The following C1orf185 variants were observed in gnomAD, a reference collection of about 807,000 sequenced individuals.
C1orf185 encodes uncharacterized protein C1orf185.
C1orf185 carries 13 observed loss-of-function variants against 16.1 expected under a neutral mutation model. The ratio of observed to expected loss-of-function variants is 0.81; its 90% CI spans 0.53 to 1.28. The LOEUF is 1.28. Among genes scored for constraint, C1orf185 ranks in the 50% most tolerant of loss-of-function variants. The pLI is 0.00. For missense variants in C1orf185, 220 were observed against 225.2 expected (o/e 0.98, Z 0.15); for synonymous variants, 80 against 76.9 (o/e 1.04, Z -0.21).
intron 3 of C1orf185, among the ~76,000 whole-genome samples, chr1:51,131,616 A>G (rs1646285804): frequency 6.6e-6 from 1 of 152,186 alleles, no homozygotes; most frequent in Non-Finnish European, 1.5e-5. Context: ...TCTAGCAAAA[A>G]GAAAGAGAGA....
intron 1 of C1orf185, among the ~76,000 whole-genome samples, chr1:51,106,375 CTTT>C (rs899412395): frequency 6.1e-5 from 9 of 148,356 alleles, no homozygotes; most frequent in Admixed American, 5.4e-4. Flanking sequence ...CCCTATCTCT[CTTT>C]TTTTTTTAAA....
chr1:51,115,270 A>G (rs964562990), intron 2 of C1orf185, among the ~76,000 whole-genome samples: 1 of 152,154 alleles, frequency 6.6e-6, no homozygotes, highest in Non-Finnish European at 1.5e-5. Flanking sequence ...CCCAGATGGC[A>G]GAGGTTGCAG....
chr1:51,131,140 T>G (rs1344423630), intron 3 of C1orf185, among the ~76,000 whole-genome samples: 2 of 152,176 alleles, frequency 1.3e-5, no homozygotes, highest in East Asian at 3.9e-4. Context: ...TGACCTCAGG[T>G]GATCTGCCCA....
chr1:51,145,174 C>T (rs373812848), intron 3 of C1orf185, among the ~76,000 whole-genome samples: 45 of 151,996 alleles, frequency 3.0e-4, no homozygotes, highest in African/African-American at 8.9e-4. Flanking sequence ...GGTATGGTGG[C>T]GCACACCTGC....
intron 3 of C1orf185, among the ~76,000 whole-genome samples, chr1:51,143,560 A>G (rs1450533240): frequency 6.6e-6 from 1 of 152,186 alleles, no homozygotes; most frequent in Non-Finnish European, 1.5e-5. Flanking sequence ...AATTACTGAT[A>G]TGTAGCATCA....
Position 51,147,733 on chromosome 1 carries a change from G to C in C1orf185, c.562G>C (p.Glu188Gln), listed in dbSNP as rs759157234. Residue 188 changes from glutamate to glutamine, a missense_variant, in exon 5 of 5, where the codon GAA (glutamate) becomes CAA (glutamine). Glu to Gln is a conservative substitution (Grantham distance 29, BLOSUM62 2). Transcript: ENST00000371759. ...TTCATACCTGTCAACCATTTCATTAGAAGAGGGTACTGAAAGTGTACTGAA... is the reference window on the plus strand; with the variant it reads ...TTCATACCTGTCAACCATTTCATTACAAGAGGGTACTGAAAGTGTACTGAA... ...VFSYLSTISL[E>Q]EGTESVLNDT... 5.3e-5 allele frequency: 82 copies of C among 1,549,916 alleles called. No homozygotes were observed. Among genetic ancestry groups the C allele is most frequent in the Middle Eastern group, 1.7e-4 (1 of 6,002 alleles).
rs541250547 is a variant in C1orf185 at position 51,135,311 on chromosome 1, G to A, written c.259-10413G>A. 7.9e-5 allele frequency among the ~76,000 whole-genome samples: 12 copies of A among 152,240 alleles called. No individual in the cohort carries two copies. The South Asian group carries it at 8.3e-4, about 11-fold the overall frequency. On this transcript the variant is annotated intron_variant, in intron 3 of 4. Transcript: ENST00000371759. ...TCTCAACACTTTGGGAGGCCAAGGC[G>A]GGCAGATCACCTGAGGTTGGGAGTT...
Position 51,112,493 on chromosome 1 carries a change from G to T in C1orf185, c.46G>T (p.Ala16Ser). ...GFFNYLTYFLAAGAVTLGIGF... is the reference protein window; with the variant it reads ...GFFNYLTYFLSAGAVTLGIGF... ...TTTTAATTACTTGACCTATTTTCTT[G>T]CTGCTGGTGCTGTCACTTTGGGAAT... Residue 16 changes from alanine (A) to serine (S), a missense_variant, in exon 2 of 5, where the codon GCT becomes TCT. Transcript: ENST00000371759. 6.5e-7 allele frequency: 1 copy of T among 1,549,226 alleles called. No homozygotes were observed. The highest frequency in any genetic ancestry group is 1.2e-5 in the South Asian group (1 of 83,296).
intron 3 of C1orf185, among the ~76,000 whole-genome samples, chr1:51,127,936 G>A (rs1306983504): frequency 4.3e-5 from 6 of 138,572 alleles, no homozygotes; most frequent in Admixed American, 7.8e-5. Flanking sequence ...CACCCAGGCT[G>A]GAATGCAATT....
chr1:51,110,999 CAAAA>C (rs1306697081), intron 1 of C1orf185, among the ~76,000 whole-genome samples: 1 of 151,788 alleles, frequency 6.6e-6, no homozygotes, highest in East Asian at 1.9e-4. Context: ...CAAAACAAAA[CAAAA>C]AAACAGAAAG....
intron 3 of C1orf185, among the ~76,000 whole-genome samples, chr1:51,139,732 G>A (rs925080812): frequency 1.3e-5 from 2 of 151,976 alleles, no homozygotes; most frequent in Middle Eastern, 3.2e-3. Flanking sequence ...AAACTTGTAC[G>A]AACCATTATC....
chr1:51,145,420 T>G (rs1174464815), intron 3 of C1orf185, among the ~76,000 whole-genome samples: 2 of 152,188 alleles, frequency 1.3e-5, no homozygotes, highest in Non-Finnish European at 2.9e-5. Context: ...GAATTCTAAT[T>G]ATTTTTTAGC....
intron 3 of C1orf185, 43 bp downstream of exon 3, chr1:51,118,844 TTTGATA>T: frequency 7.8e-7 from 1 of 1,284,986 alleles, no homozygotes; most frequent in South Asian, 2.1e-5. Flanking sequence ...AATAATTTCT[TTTGATA>T]CCATGTTATT....
chr1:51,145,648 C>G lies in C1orf185; in HGVS notation c.259-76C>G, dbSNP rs1646393830. 2.2e-5 allele frequency: 17 copies of G among 774,402 alleles called. No homozygotes were observed. The South Asian group carries it at 2.6e-4, about 12-fold the overall frequency. The allele number at this position is 774,402 out of a possible 1,614,324, so 48.0% of individuals were successfully genotyped here. A position where few individuals can be genotyped will look rare whatever the true frequency, so the allele number is the denominator to read the frequency against. ...AATTATAATGTTAAACTGTATTACTCTCATATAAAATATATGAAAGAAGTT... is the reference window on the plus strand; with the variant it reads ...AATTATAATGTTAAACTGTATTACTGTCATATAAAATATATGAAAGAAGTT... On this transcript the variant is annotated intron_variant, in intron 3 of 4. Transcript: ENST00000371759.
Position 51,111,955 on chromosome 1 carries a change from C to A in C1orf185, c.17-509C>A, listed in dbSNP as rs149882134. 7.4e-4 allele frequency among the ~76,000 whole-genome samples: 112 copies of A among 152,304 alleles called. 1 individual carries two copies. The East Asian group carries it at 0.019, about 25-fold the overall frequency. ...GGGATTACAGGCATGAGCCGCCACG[C>A]CCATCCTCATTTTACCTTTTAGATA... On this transcript the variant is annotated intron_variant, in intron 1 of 4. Coordinates refer to ENST00000371759, the MANE Select transcript of C1orf185 (RefSeq NM_001136508.2).
At chr1:51,142,419 A>G (rs977843059) in intron 3 of C1orf185, among the ~76,000 whole-genome samples, 2 of 152,234 alleles carry the variant, frequency 1.3e-5, no homozygotes, top group African/African-American at 4.8e-5. Flanking sequence ...TCACATCTGA[A>G]GGCATACAGT....
chr1:51,103,390 A>C (rs1306158028), intron 1 of C1orf185, among the ~76,000 whole-genome samples: 2 of 137,252 alleles, frequency 1.5e-5, no homozygotes, highest in African/African-American at 5.3e-5. Flanking sequence ...TGGGCAACAG[A>C]GTGAGATCTT....
intron 3 of C1orf185, among the ~76,000 whole-genome samples, chr1:51,140,405 C>T (rs1646356969): frequency 6.6e-6 from 1 of 152,074 alleles, no homozygotes; most frequent in Admixed American, 6.6e-5. Flanking sequence ...TCATAGTTGC[C>T]ACTGAAATAA....
intron 3 of C1orf185, among the ~76,000 whole-genome samples, chr1:51,137,665 A>G (rs953307446): frequency 6.6e-6 from 1 of 152,212 alleles, no homozygotes; most frequent in Non-Finnish European, 1.5e-5. Context: ...AGGCTTAAAA[A>G]CAGAAATACC....
Sources: allele counts gnomAD v4.1 joint callset (sites outside exome capture counted in the v4.1 genomes callset), GRCh38; gene constraint gnomAD v4.1.1; transcripts MANE v1.5; gene names NCBI Gene and HGNC (gene_info 2026-07-23, HGNC 2026-07-21).